SLC25A17: variants seen among roughly 807,000 people sequenced by gnomAD.
SLC25A17 encodes the protein peroxisomal membrane protein PMP34.
SLC25A17 carries 26 observed loss-of-function variants against 38.5 expected under a neutral mutation model. The observed-to-expected ratio is 0.68, with a 90% CI of 0.50 to 0.94. The LOEUF (loss-of-function observed/expected upper bound fraction) is 0.94, where lower values mean the gene tolerates loss of function less well. Ranked by LOEUF, SLC25A17 falls within the 40% of genes least tolerant of loss-of-function variation. SLC25A17 has a pLI of 0.00. For missense variants in SLC25A17, 333 were observed against 372.7 expected, an observed-to-expected ratio of 0.89 and a Z score of 0.88; for synonymous variants, 139 against 136.2, an observed-to-expected ratio of 1.02 and a Z score of -0.14.
Position 40,794,549 on chromosome 22 carries a change from G to A in SLC25A17, c.147C>T (p.His49=). ...CTTTAATGATCTCCAGGAGCACCATGTGTGTAGTTTTGGATTTTCTTTTCT... is the reference window on the plus strand; with the variant it reads ...CTTTAATGATCTCCAGGAGCACCATATGTGTAGTTTTGGATTTTCTTTTCT... ...VDEKRKSKTT[H]MVLLEIIKEE... Residue 49 remains histidine, a synonymous_variant, in exon 3 of 9, where the codon CAC becomes CAT. Transcript: ENST00000435456. 6.2e-7 allele frequency: 1 copy of A among 1,611,760 alleles called. No individual in the cohort carries two copies. The highest frequency in any genetic ancestry group is 1.7e-5 in the Admixed American group (1 of 60,002).
intron 1 of SLC25A17, among the ~76,000 whole-genome samples, chr22:40,810,496 C>T (rs373687343): frequency 3.9e-5 from 6 of 151,988 alleles, no homozygotes; most frequent in East Asian, 3.9e-4. Context: ...TACAGGCATG[C>T]GCCACTACGC....
chr22:40,791,529 C>A (rs1234052617), intron 4 of SLC25A17, among the ~76,000 whole-genome samples: 1 of 152,110 alleles, frequency 6.6e-6, no homozygotes. Flanking sequence ...TACAGACATC[C>A]TACAACTTCA....
rs147366860 is a variant in SLC25A17, at chr22:40,774,102, G to T, written c.694-83C>A. 12,911 of 801,390 alleles carry T rather than the reference G, an allele frequency of 0.016. 1,839 individuals carry two copies. The Admixed American group carries it at 0.23, about 14-fold the overall frequency. 49.6% of individuals were successfully genotyped at this position (801,390 alleles called of 1,614,324 possible). Reference sequence around the variant, plus strand: ...TTTACCTGGGGAGGATATTATGTTGGAGTAGTATCTTATAGCATACATTAA... The same window carrying T: ...TTTACCTGGGGAGGATATTATGTTGTAGTAGTATCTTATAGCATACATTAA... On this transcript the variant is annotated intron_variant, in intron 7 of 8. Coordinates refer to ENST00000435456, the MANE Select transcript of SLC25A17 (RefSeq NM_006358.4).
At position 40,799,022 on chromosome 22, in the gene SLC25A17, C is replaced by T. The variant is rs1170165512; in HGVS notation, c.115+1G>A. 2 of 1,597,624 alleles carry T rather than the reference C, an allele frequency of 1.3e-6. No homozygotes were observed. On this transcript the variant is annotated splice_donor_variant, in intron 2 of 8. Coordinates refer to ENST00000435456, the MANE Select transcript of SLC25A17 (RefSeq NM_006358.4). LOFTEE classifies it high-confidence loss of function. ...CAAATAGGAGTATGATTTCTACTTA[C>T]CCTGAAGTCGAAGTCTAGCTGTATC... is the stretch of plus-strand genomic sequence containing the variant.
At chr22:40,787,765 T>C (rs1453943441) in intron 4 of SLC25A17, among the ~76,000 whole-genome samples, 1 of 151,490 alleles carries the variant, frequency 6.6e-6, no homozygotes, top group Non-Finnish European at 1.5e-5. Context: ...ACAACAAAGA[T>C]AGGCAGGGAA....
intron 1 of SLC25A17, among the ~76,000 whole-genome samples, chr22:40,809,471 A>T (rs2057558950): frequency 1.1e-4 from 2 of 18,238 alleles, no homozygotes; most frequent in South Asian, 2.1e-3. Flanking sequence ...CAAAAAAATT[A>T]AAAAAAAAAA....
chr22:40,776,996 T>G (rs1387160960), intron 7 of SLC25A17, 44 bp downstream of exon 7: 1 of 1,495,424 alleles, frequency 6.7e-7, no homozygotes, highest in Non-Finnish European at 9.3e-7. Context: ...CTACATGTAT[T>G]CGAATGCTGT....
chr22:40,777,641 G>C (rs558993455), intron 5 of SLC25A17, among the ~76,000 whole-genome samples: 1 of 152,182 alleles, frequency 6.6e-6, no homozygotes, highest in Non-Finnish European at 1.5e-5. Context: ...AATTAGCTAG[G>C]TGTGGCGGTG....
chr22:40,795,435 G>T (rs1374473805), intron 2 of SLC25A17, among the ~76,000 whole-genome samples: 1 of 152,032 alleles, frequency 6.6e-6, no homozygotes, highest in Non-Finnish European at 1.5e-5. Context: ...TGGGACTACA[G>T]GCGCCCACCA....
chr22:40,805,384 G>C (rs894666857), intron 1 of SLC25A17, among the ~76,000 whole-genome samples: 2 of 152,230 alleles, frequency 1.3e-5, no homozygotes. Context: ...GAATACAGAA[G>C]AGTAGTTGGA....
At position 40,778,998 on chromosome 22, in the gene SLC25A17, G is replaced by T; in HGVS notation, c.451+11C>A. The stretch of plus-strand genomic sequence containing the variant: ...AACCCTTAAATAGGAATTCAGCAAA[G>T]AGATACTTACCAATGATACCTTTGT... On this transcript the variant is annotated intron_variant, in intron 5 of 8. Transcript: ENST00000435456. 1 of 1,601,326 alleles carries T rather than the reference G, an allele frequency of 6.2e-7. No individual in the cohort carries two copies. Among genetic ancestry groups the T allele is most frequent in the Non-Finnish European group, 8.6e-7 (1 of 1,168,622 alleles).
At chr22:40,794,669 G>A in intron 2 of SLC25A17, 89 bp from the exon 3 acceptor site, 1 of 639,562 alleles carries the variant, frequency 1.6e-6, no homozygotes. Flanking sequence ...GCCCAGGCTG[G>A]AGTGCAGTGG....
chr22:40,780,673 C>A (rs1265444606), intron 4 of SLC25A17, among the ~76,000 whole-genome samples: 1 of 152,182 alleles, frequency 6.6e-6, no homozygotes, highest in Non-Finnish European at 1.5e-5. Context: ...AAAAGGAGGA[C>A]AGGAGAGCTC....
At chr22:40,818,542 A>T (rs756305786) in intron 1 of SLC25A17, among the ~76,000 whole-genome samples, 29 of 151,250 alleles carry the variant, frequency 1.9e-4, no homozygotes, top group Admixed American at 4.6e-4. Flanking sequence ...GACCCCAAAA[A>T]TTTTTTTTAA....
intron 1 of SLC25A17, among the ~76,000 whole-genome samples, chr22:40,806,793 T>G (rs73172883): frequency 2.2e-4 from 33 of 152,324 alleles, no homozygotes; most frequent in Admixed American, 4.6e-4. Flanking sequence ...ATTCTGGATA[T>G]TTACTCTAAA....
chr22:40,793,582 G>C (rs758721112), intron 3 of SLC25A17, among the ~76,000 whole-genome samples: 1 of 152,224 alleles, frequency 6.6e-6, no homozygotes, highest in East Asian at 1.9e-4. Flanking sequence ...ATGAGGAAAT[G>C]TGAGGCAAAC....
At chr22:40,809,699 TATTG>T (rs2057561704) in intron 1 of SLC25A17, among the ~76,000 whole-genome samples, 1 of 152,128 alleles carries the variant, frequency 6.6e-6, no homozygotes, top group Non-Finnish European at 1.5e-5. Flanking sequence ...AACACAATAA[TATTG>T]ATTGTTATAA....
chr22:40,812,736 G>A (rs147149094), intron 1 of SLC25A17, among the ~76,000 whole-genome samples: 257 of 152,236 alleles, frequency 1.7e-3, no homozygotes, highest in African/African-American at 5.9e-3. Flanking sequence ...AGCCAGACAC[G>A]GTGGCTCACA....
chr22:40,785,070 C>T (rs576040243), intron 4 of SLC25A17, among the ~76,000 whole-genome samples: 1 of 152,130 alleles, frequency 6.6e-6, no homozygotes, highest in Non-Finnish European at 1.5e-5. Context: ...GCCCAATTTG[C>T]GAATTGTTCT....
Sources: allele counts gnomAD v4.1 joint callset (sites outside exome capture counted in the v4.1 genomes callset), GRCh38; gene constraint gnomAD v4.1.1; transcripts MANE v1.5; gene names NCBI Gene and HGNC (gene_info 2026-07-23, HGNC 2026-07-21).